Variants in IGF1R observed in about 807,000 individuals in gnomAD.
IGF1R encodes the protein insulin-like growth factor 1 receptor.
IGF1R carries 44 observed loss-of-function variants against 144.6 expected under a neutral mutation model. The observed-to-expected ratio is 0.30, with a 90% CI of 0.24 to 0.39. IGF1R has a LOEUF of 0.39. Ranked by LOEUF, IGF1R falls within the 10% of genes least tolerant of loss-of-function variation. The probability of loss-of-function intolerance (pLI) is 1.00; values close to 1 mark genes in which losing one functional copy is unlikely to be tolerated. For synonymous variants in IGF1R, 795 were observed against 722.8 expected (o/e 1.10, Z -1.60); for missense variants, 1,355 against 1,833.7 (o/e 0.74, Z 4.77).
chr15:98,954,902 T>G lies in IGF1R; in HGVS notation c.3723-2159T>G, dbSNP rs542456525. ...TCCCTGTGACATCTGTGACTGTTCC[T>G]TGGACAGTTAGGTGAGGGAGGGTCT... On this transcript the variant is annotated intron_variant, in intron 20 of 20. Transcript: ENST00000650285. Among the ~76,000 whole-genome samples the G allele has an allele frequency of 6.6e-5, 10 of 152,320 alleles. No individual in the cohort carries two copies. In the East Asian group the frequency reaches 1.7e-3, roughly 26 times the overall value.
chr15:98,827,705 C>G (rs1485695763), intron 2 of IGF1R, among the ~76,000 whole-genome samples: 1 of 152,178 alleles, frequency 6.6e-6, no homozygotes, highest in Non-Finnish European at 1.5e-5. Flanking sequence ...GCCTCAGCCT[C>G]CTGAGTAGCT....
At position 98,891,289 on chromosome 15, in the gene IGF1R, C is replaced by T; in HGVS notation, c.641-36C>T. 6.3e-7 allele frequency: 1 copy of T among 1,595,956 alleles called. No homozygotes were observed. The highest frequency in any genetic ancestry group is 8.5e-7 in the Non-Finnish European group (1 of 1,176,040). On this transcript the variant is annotated intron_variant, in intron 2 of 20. Transcript: ENST00000650285. The surrounding 1 kb of genome is among the most constrained non-coding windows in gnomAD (Gnocchi z 4.7). Reference sequence around the variant, plus strand: ...CCCAGAGAAGGCGGTGCCTCCCCTGCCCGGTCTCATCTCCGTCTCTCCTCT... The same window carrying T: ...CCCAGAGAAGGCGGTGCCTCCCCTGTCCGGTCTCATCTCCGTCTCTCCTCT...
At chr15:98,864,815 A>G (rs1202702307) in intron 2 of IGF1R, among the ~76,000 whole-genome samples, 2 of 152,256 alleles carry the variant, frequency 1.3e-5, no homozygotes, top group Non-Finnish European at 2.9e-5. Flanking sequence ...GTAACATTTT[A>G]TCAAATCTCA....
intron 1 of IGF1R, among the ~76,000 whole-genome samples, chr15:98,698,662 C>T (rs1424506366): frequency 6.6e-6 from 1 of 152,218 alleles, no homozygotes; most frequent in Non-Finnish European, 1.5e-5. Flanking sequence ...CAGGGACTGA[C>T]CTCTGGCCAT....
intron 2 of IGF1R, among the ~76,000 whole-genome samples, chr15:98,809,391 G>T (rs1002341213): frequency 6.6e-6 from 1 of 152,154 alleles, no homozygotes; most frequent in African/African-American, 2.4e-5. Flanking sequence ...GTGAGTCTGG[G>T]AGAGACGCCA....
chr15:98,690,653 C>G lies in IGF1R; in HGVS notation c.95-16909C>G, dbSNP rs2053454764. ...TGTATGTTTCTTATGGAAATTAGAA[C>G]AATACACAGTTACAGAGTAGAAGGT... On this transcript the variant is annotated intron_variant, in intron 1 of 20. Coordinates refer to ENST00000650285, the MANE Select transcript of IGF1R (RefSeq NM_000875.5). 1.3e-5 allele frequency among the ~76,000 whole-genome samples: 2 copies of G among 152,116 alleles called. 1 individual carries two copies. The highest frequency in any genetic ancestry group is 4.1e-4 in the South Asian group (2 of 4,828).
intron 2 of IGF1R, among the ~76,000 whole-genome samples, chr15:98,749,270 C>T (rs2054946532): frequency 6.6e-6 from 1 of 151,766 alleles, no homozygotes; most frequent in Admixed American, 6.6e-5. Flanking sequence ...TGTTAGACAG[C>T]CAAGGGGATA....
intron 2 of IGF1R, among the ~76,000 whole-genome samples, chr15:98,715,603 G>C (rs547785818): frequency 1.3e-5 from 2 of 152,294 alleles, no homozygotes; most frequent in South Asian, 2.1e-4. Flanking sequence ...GACGTGGAGC[G>C]TGTGGGCCCG....
chr15:98,854,049 C>T (rs369443158), intron 2 of IGF1R, among the ~76,000 whole-genome samples: 1 of 152,178 alleles, frequency 6.6e-6, no homozygotes, highest in Non-Finnish European at 1.5e-5. Flanking sequence ...TAATGCATAT[C>T]GTGGTATTAT....
At chr15:98,847,970 C>T (rs1454375076) in intron 2 of IGF1R, among the ~76,000 whole-genome samples, 4 of 152,130 alleles carry the variant, frequency 2.6e-5, no homozygotes, top group Non-Finnish European at 2.9e-5. Flanking sequence ...ATGGATATAA[C>T]CGGGCCCTGG....
chr15:98,687,388 G>A (rs78486332), intron 1 of IGF1R, among the ~76,000 whole-genome samples: 57 of 152,296 alleles, frequency 3.7e-4, no homozygotes, highest in African/African-American at 1.3e-3. Context: ...ATGTGTACTC[G>A]GTGTCTTGGA....
intron 2 of IGF1R, among the ~76,000 whole-genome samples, chr15:98,784,050 C>T (rs1230857826): frequency 2.8e-5 from 4 of 145,040 alleles, no homozygotes; most frequent in African/African-American, 1.0e-4. Flanking sequence ...TCTCAGCTCA[C>T]TGCAGCCTCT....
At chr15:98,678,580 T>C (rs2053106720) in intron 1 of IGF1R, among the ~76,000 whole-genome samples, 1 of 152,194 alleles carries the variant, frequency 6.6e-6, no homozygotes, top group Non-Finnish European at 1.5e-5. Flanking sequence ...TGGCATAATC[T>C]TGGCCCACTT....
At chr15:98,912,935 A>G (rs940626083) in intron 7 of IGF1R, 109 bp from the exon 8 acceptor site, 1 of 744,358 alleles carries the variant, frequency 1.3e-6, no homozygotes, top group Non-Finnish European at 2.4e-6. Flanking sequence ...TTATTTGTTT[A>G]TTTAGACCTC....
At chr15:98,893,915 T>C (rs146225826) in intron 3 of IGF1R, among the ~76,000 whole-genome samples, 14 of 152,340 alleles carry the variant, frequency 9.2e-5, no homozygotes, top group African/African-American at 3.4e-4. Context: ...TACTTTGAAA[T>C]ATTTAATTTT....
chr15:98,790,081 T>C (rs1176035173), intron 2 of IGF1R, among the ~76,000 whole-genome samples: 1 of 152,134 alleles, frequency 6.6e-6, no homozygotes, highest in African/African-American at 2.4e-5. Flanking sequence ...TCTGTTCCAC[T>C]TGGGTTTGGA....
chr15:98,875,076 G>T (rs140057254), intron 2 of IGF1R, among the ~76,000 whole-genome samples: 1 of 152,314 alleles, frequency 6.6e-6, no homozygotes, highest in African/African-American at 2.4e-5. Context: ...TTGCACACCA[G>T]TTTGCAGCCT....
chr15:98,717,813 T>A (rs1328936779), intron 2 of IGF1R, among the ~76,000 whole-genome samples: 1 of 152,182 alleles, frequency 6.6e-6, no homozygotes, highest in Non-Finnish European at 1.5e-5. Context: ...GTGGTTAGAG[T>A]GGGCACAGTT....
intron 2 of IGF1R, among the ~76,000 whole-genome samples, chr15:98,887,572 T>A (rs76264246): frequency 0.035 from 5,318 of 152,294 alleles, 232 homozygotes; most frequent in African/African-American, 0.11. Flanking sequence ...GATGGTAAGA[T>A]TCTCAGAGTT....
Sources: gnomAD v4.1 joint callset for allele counts (sites outside exome capture counted in the v4.1 genomes callset) on GRCh38, gnomAD v4.1.1 for gene constraint, Gnocchi (gnomAD v3.1) non-coding constraint, MANE v1.5 for transcripts, NCBI Gene and HGNC (gene_info 2026-07-23, HGNC 2026-07-21) for gene names.